ENTREP2: variants seen among roughly 807,000 people sequenced by gnomAD.
ENTREP2 encodes the protein endosomal transmembrane epsin interactor 2.
At chr15:29,311,748 T>C in the ENTREP2 span, among the ~76,000 whole-genome samples, 1 of 152,090 alleles carries the variant, frequency 6.6e-6, no homozygotes, top group African/African-American at 2.4e-5. Context: ...ATTCTTTCAA[T>C]AAGTAGATAT....
the ENTREP2 span, among the ~76,000 whole-genome samples, chr15:29,624,331 G>GCA: frequency 1.4e-3 from 214 of 151,144 alleles, no homozygotes; most frequent in African/African-American, 5.0e-3. Flanking sequence ...ACATGCACGT[G>GCA]CGCACACACA....
chr15:29,196,424 G>A, the ENTREP2 span: 1 of 1,549,884 alleles, frequency 6.5e-7, no homozygotes, highest in East Asian at 2.4e-5. Context: ...CGCCCAGCGG[G>A]GTCACCTTCA....
the ENTREP2 span, among the ~76,000 whole-genome samples, chr15:29,229,595 T>C: frequency 6.6e-6 from 1 of 152,202 alleles, no homozygotes; most frequent in Non-Finnish European, 1.5e-5. Flanking sequence ...TGAAAAAGGA[T>C]TTCCCAGACC....
the ENTREP2 span, among the ~76,000 whole-genome samples, chr15:29,430,269 G>C: frequency 1.3e-5 from 2 of 152,076 alleles, no homozygotes; most frequent in African/African-American, 2.4e-5. Context: ...GGTCCCTGCT[G>C]AGCCCCGAGT....
At chr15:29,428,482 TG>T in the ENTREP2 span, among the ~76,000 whole-genome samples, 1 of 152,144 alleles carries the variant, frequency 6.6e-6, no homozygotes, top group African/African-American at 2.4e-5. Context: ...CCCAAAGTGC[TG>T]GGATTACAGG....
chr15:29,227,107 C>A, the ENTREP2 span, among the ~76,000 whole-genome samples: 80 of 152,246 alleles, frequency 5.3e-4, no homozygotes, highest in African/African-American at 1.6e-3. Flanking sequence ...CTGGGGATAG[C>A]GGCTTGGAGG....
chr15:29,221,294 T>C, the ENTREP2 span, among the ~76,000 whole-genome samples: 1 of 151,864 alleles, frequency 6.6e-6, no homozygotes, highest in East Asian at 1.9e-4. Context: ...CTCTGCCTCC[T>C]GGGTTCAAGT....
At chr15:29,635,515 G>A in the ENTREP2 span, among the ~76,000 whole-genome samples, 1 of 152,140 alleles carries the variant, frequency 6.6e-6, no homozygotes, top group South Asian at 2.1e-4. Context: ...GGACACAGAG[G>A]ACACAGAGGA....
At chr15:29,623,483 A>T in the ENTREP2 span, among the ~76,000 whole-genome samples, 14 of 152,348 alleles carry the variant, frequency 9.2e-5, no homozygotes, top group South Asian at 2.9e-3. Flanking sequence ...GTCATGCAGC[A>T]AGTAAACGTG....
chr15:29,211,692 T>G, the ENTREP2 span, among the ~76,000 whole-genome samples: 28 of 152,342 alleles, frequency 1.8e-4, no homozygotes, highest in Admixed American at 1.6e-3. Context: ...CATAAAGGGA[T>G]GCTGGATTTT....
At chr15:29,244,491 A>T in the ENTREP2 span, among the ~76,000 whole-genome samples, 73 of 152,294 alleles carry the variant, frequency 4.8e-4, no homozygotes, top group Non-Finnish European at 9.4e-4. Flanking sequence ...AGGAAAAATG[A>T]CCCAAAAGTT....
At chr15:29,486,185 CACACAA>C in the ENTREP2 span, among the ~76,000 whole-genome samples, 1 of 151,690 alleles carries the variant, frequency 6.6e-6, no homozygotes, top group African/African-American at 2.4e-5. Context: ...GAGACACACA[CACACAA>C]ACACACAATA....
chr15:29,650,815 C>T, the ENTREP2 span, among the ~76,000 whole-genome samples: 1 of 152,060 alleles, frequency 6.6e-6, no homozygotes, highest in African/African-American at 2.4e-5. Context: ...TCAAGAGCAG[C>T]CTGAGCAACA....
the ENTREP2 span, among the ~76,000 whole-genome samples, chr15:29,669,829 C>A: frequency 1.3e-5 from 2 of 152,192 alleles, no homozygotes; most frequent in Non-Finnish European, 2.9e-5. Context: ...TGATCCATGT[C>A]ATCCCGGTCC....
At chr15:29,664,497 T>G in the ENTREP2 span, among the ~76,000 whole-genome samples, 8,578 of 151,524 alleles carry the variant, frequency 0.057, 723 homozygotes, top group African/African-American at 0.19. Context: ...GTTCCCTCCC[T>G]GGGCTGGATG....
the ENTREP2 span, among the ~76,000 whole-genome samples, chr15:29,485,252 TTTTCA>T: frequency 4.6e-5 from 7 of 152,036 alleles, no homozygotes; most frequent in African/African-American, 1.7e-4. Flanking sequence ...CCCTGTGGTG[TTTTCA>T]TCTACCCAAA....
the ENTREP2 span, among the ~76,000 whole-genome samples, chr15:29,445,809 C>G: frequency 5.9e-5 from 9 of 152,296 alleles, 1 homozygote; most frequent in South Asian, 6.2e-4. Flanking sequence ...AGATCACAAC[C>G]TGGGATTTGC....
the ENTREP2 span, among the ~76,000 whole-genome samples, chr15:29,299,388 C>T: frequency 1.3e-5 from 2 of 152,176 alleles, no homozygotes; most frequent in African/African-American, 4.8e-5. Context: ...AGATGAACTG[C>T]TGCCTCTTCA....
chr15:29,135,423 G>T, the ENTREP2 span, among the ~76,000 whole-genome samples: 5 of 152,070 alleles, frequency 3.3e-5, no homozygotes, highest in African/African-American at 4.8e-5. The surrounding 1 kb of genome is among the most constrained non-coding windows in gnomAD (Gnocchi z 7.4). Flanking sequence ...TTGGAGGGTG[G>T]GTCCTTGGAA....
Sources: allele counts gnomAD v4.1 joint callset (sites outside exome capture counted in the v4.1 genomes callset), GRCh38; gene constraint gnomAD v4.1.1; non-coding constraint Gnocchi (gnomAD v3.1); transcripts MANE v1.5; gene names NCBI Gene and HGNC (gene_info 2026-07-23, HGNC 2026-07-21).